OSBPL1A: variants seen among roughly 807,000 people sequenced by gnomAD.
The protein encoded by OSBPL1A is oxysterol binding protein like 1A, also known as oxysterol-binding protein-related protein 1.
OSBPL1A carries 80 observed loss-of-function variants against 137.1 expected under a neutral mutation model. The observed-to-expected ratio is 0.58, with a 90% CI of 0.49 to 0.70. The LOEUF is 0.70. Ranked by LOEUF, OSBPL1A falls within the 30% of genes least tolerant of loss-of-function variation. The probability of loss-of-function intolerance (pLI) is 0.00; values close to 1 mark genes in which losing one functional copy is unlikely to be tolerated. For synonymous variants in OSBPL1A, 365 were observed against 389.7 expected, an observed-to-expected ratio of 0.94 and a Z score of 0.75; for missense variants, 970 against 1,129.4, an observed-to-expected ratio of 0.86 and a Z score of 2.02.
chr18:24,247,612 A>T (rs2088939964), intron 15 of OSBPL1A, among the ~76,000 whole-genome samples: 1 of 152,050 alleles, frequency 6.6e-6, no homozygotes, highest in South Asian at 2.1e-4. Context: ...ACAGGAGCAC[A>T]TCACCATGGC....
chr18:24,387,166 A>G (rs750553760), intron 1 of OSBPL1A, among the ~76,000 whole-genome samples: 1 of 151,806 alleles, frequency 6.6e-6, no homozygotes, highest in African/African-American at 2.4e-5. Context: ...GATCCTCTCA[A>G]CTCAGTCTCC....
At chr18:24,344,976 G>A (rs1469468833) in intron 4 of OSBPL1A, among the ~76,000 whole-genome samples, 1 of 151,820 alleles carries the variant, frequency 6.6e-6, no homozygotes, top group Non-Finnish European at 1.5e-5. Context: ...ACCATGTCTG[G>A]CTAATTTTTA....
At position 24,225,186 on chromosome 18, in the gene OSBPL1A, T is replaced by TCGGA; in HGVS notation, c.1453_1456dup (p.Glu486ValfsTer7). On this transcript the variant is annotated frameshift_variant, in exon 17 of 28. Transcript: ENST00000319481. LOFTEE classifies it high-confidence loss of function. ...TGCTTCCAATCTACTCAGGGACCTTTCGGACTCGGAATCTGTGGCAGAGCA... is the reference window on the plus strand; with the variant it reads ...TGCTTCCAATCTACTCAGGGACCTTTCGGACGGACTCGGAATCTGTGGCAGAGCA... 1 of 1,614,126 alleles carries TCGGA rather than the reference T, an allele frequency of 6.2e-7. No individual in the cohort carries two copies. Among genetic ancestry groups the TCGGA allele is most frequent in the South Asian group, 1.1e-5 (1 of 91,068 alleles).
chr18:24,332,496 C>A (rs557754883), intron 7 of OSBPL1A, among the ~76,000 whole-genome samples: 3 of 142,126 alleles, frequency 2.1e-5, no homozygotes, highest in Non-Finnish European at 4.5e-5. Flanking sequence ...GAAAACTTTA[C>A]TCAAGAGTGA....
At chr18:24,372,046 C>T (rs572164682) in intron 2 of OSBPL1A, among the ~76,000 whole-genome samples, 1 of 152,078 alleles carries the variant, frequency 6.6e-6, no homozygotes, top group East Asian at 1.9e-4. Context: ...GAGGCCAAGG[C>T]GGATAGACTG....
At chr18:24,332,588 A>C (rs999053906) in intron 7 of OSBPL1A, among the ~76,000 whole-genome samples, 2 of 145,622 alleles carry the variant, frequency 1.4e-5, no homozygotes, top group Non-Finnish European at 3.0e-5. Context: ...AAAAAAAAAA[A>C]GGTTTCATAA....
intron 23 of OSBPL1A, 136 bp from the exon 24 acceptor site, chr18:24,170,589 A>G: frequency 1.1e-6 from 1 of 878,262 alleles, no homozygotes; most frequent in Non-Finnish European, 1.8e-6. Flanking sequence ...AGAGCAGATG[A>G]GATCAGGCGT....
intron 7 of OSBPL1A, among the ~76,000 whole-genome samples, chr18:24,320,099 G>C (rs991805718): frequency 1.3e-5 from 2 of 151,984 alleles, no homozygotes; most frequent in African/African-American, 2.4e-5. Context: ...AAACAAAAAG[G>C]GGGGCTGGGG....
chr18:24,320,026 T>G (rs968201355), intron 7 of OSBPL1A, among the ~76,000 whole-genome samples: 8 of 151,110 alleles, frequency 5.3e-5, no homozygotes, highest in African/African-American at 1.9e-4. Flanking sequence ...CGGTGGCATG[T>G]GCCTACAGTC....
intron 15 of OSBPL1A, among the ~76,000 whole-genome samples, chr18:24,255,173 A>G (rs1010572708): frequency 2.0e-5 from 3 of 152,244 alleles, no homozygotes; most frequent in Non-Finnish European, 4.4e-5. Context: ...AAACCTGAAT[A>G]GATCAATAAC....
Position 24,191,974 on chromosome 18 carries a change from C to T in OSBPL1A, c.1677+4151G>A, listed in dbSNP as rs151099455. On this transcript the variant is annotated intron_variant, in intron 18 of 27. Transcript: ENST00000319481. ...CAGAATGACAGTGGCAATCAAAACT[C>T]GATGGTATGTGGATTCCACTAGCTA... 2.0e-3 allele frequency among the ~76,000 whole-genome samples: 298 copies of T among 152,324 alleles called. 6 individuals are homozygous for T. The East Asian group carries it at 0.052, about 26-fold the overall frequency.
In OSBPL1A at chr18:24,163,141, A is replaced by C; in HGVS notation, c.*38T>G. On this transcript the variant is annotated 3_prime_UTR_variant, in exon 28 of 28. Coordinates refer to ENST00000319481, the MANE Select transcript of OSBPL1A (RefSeq NM_080597.4). ...ATTTAAAAACATAGGTTTAAGACTTATTTGTAGATTAGCCAAACACCCTGA... is the reference window on the plus strand; with the variant it reads ...ATTTAAAAACATAGGTTTAAGACTTCTTTGTAGATTAGCCAAACACCCTGA... 6.8e-7 allele frequency: 1 copy of C among 1,461,108 alleles called. No individual in the cohort carries two copies. Among genetic ancestry groups the C allele is most frequent in the East Asian group, 2.3e-5 (1 of 43,938 alleles). The allele number at this position is 1,461,108 out of a possible 1,614,324, so 90.5% of individuals were successfully genotyped here. A position where few individuals can be genotyped will look rare whatever the true frequency, so the allele number is the denominator to read the frequency against.
intron 4 of OSBPL1A, among the ~76,000 whole-genome samples, chr18:24,364,526 T>C (rs2091673971): frequency 1.3e-5 from 2 of 152,004 alleles, no homozygotes; most frequent in South Asian, 4.2e-4. Flanking sequence ...GAGGCTGAGG[T>C]AGGAAGATCA....
At chr18:24,241,482 C>T (rs1055859503) in intron 15 of OSBPL1A, among the ~76,000 whole-genome samples, 1 of 152,166 alleles carries the variant, frequency 6.6e-6, no homozygotes, top group Admixed American at 6.5e-5. Flanking sequence ...TGAAGAGACA[C>T]TTCTCAAAAG....
At chr18:24,354,521 C>A (rs1283688141) in intron 4 of OSBPL1A, among the ~76,000 whole-genome samples, 1 of 152,024 alleles carries the variant, frequency 6.6e-6, no homozygotes, top group East Asian at 1.9e-4. Context: ...CTGGAAGTAA[C>A]CATAGCAACA....
At chr18:24,259,085 T>G (rs1421294680) in intron 15 of OSBPL1A, among the ~76,000 whole-genome samples, 1 of 152,030 alleles carries the variant, frequency 6.6e-6, no homozygotes, top group Non-Finnish European at 1.5e-5. Flanking sequence ...TACGCCCAGC[T>G]AATTTTTTTA....
chr18:24,355,319 TG>T (rs1419504730), intron 4 of OSBPL1A, among the ~76,000 whole-genome samples: 3 of 149,148 alleles, frequency 2.0e-5, no homozygotes, highest in Non-Finnish European at 4.4e-5. Context: ...GTGACCAACA[TG>T]GTGAAACCCC....
At chr18:24,272,248 C>T (rs987061988) in intron 15 of OSBPL1A, 18 of 976,778 alleles carry the variant, frequency 1.8e-5, no homozygotes, top group Middle Eastern at 5.3e-4. Flanking sequence ...TTTTTTTTTT[C>T]TTTTTTCTTT....
chr18:24,332,581 A>G (rs1320894271), intron 7 of OSBPL1A, among the ~76,000 whole-genome samples: 2 of 151,940 alleles, frequency 1.3e-5, no homozygotes, highest in Non-Finnish European at 2.9e-5. Flanking sequence ...GCAAAAAAAA[A>G]AAAAAAAGGT....
Sources: gnomAD v4.1 joint callset for allele counts (sites outside exome capture counted in the v4.1 genomes callset) on GRCh38, gnomAD v4.1.1 for gene constraint, MANE v1.5 for transcripts, NCBI Gene and HGNC (gene_info 2026-07-23, HGNC 2026-07-21) for gene names.